The following AUTS2 variants were observed in gnomAD, a reference collection of about 807,000 sequenced individuals.
AUTS2 encodes the protein activator of transcription and developmental regulator AUTS2, also known as autism susceptibility gene 2 protein.
Under a neutral mutation model 112.4 loss-of-function variants are expected in AUTS2, and 17 were observed. The observed-to-expected ratio is 0.15, with a 90% CI of 0.10 to 0.23. The LOEUF (loss-of-function observed/expected upper bound fraction) is 0.23, where lower values mean the gene tolerates loss of function less well. Among genes scored for constraint, AUTS2 ranks in the 10% least tolerant of loss-of-function variants. AUTS2 has a pLI of 1.00. For synonymous variants in AUTS2, 751 were observed against 702.7 expected (o/e 1.07, Z -1.09); for missense variants, 1,510 against 1,701.6 (o/e 0.89, Z 1.98).
chr7:69,928,667 G>A (rs1020260603), intron 2 of AUTS2, among the ~76,000 whole-genome samples: 1 of 152,136 alleles, frequency 6.6e-6, no homozygotes, highest in East Asian at 1.9e-4. Context: ...GAGAGAGCAG[G>A]GAGAGGCCAG....
At chr7:70,316,334 T>A (rs1233197001) in intron 4 of AUTS2, among the ~76,000 whole-genome samples, 1 of 151,596 alleles carries the variant, frequency 6.6e-6, no homozygotes, top group Non-Finnish European at 1.5e-5. Flanking sequence ...CCAGTGGGTG[T>A]GAAGTCACTC....
At chr7:69,617,082 G>A (rs1393636777) in intron 1 of AUTS2, among the ~76,000 whole-genome samples, 1 of 152,110 alleles carries the variant, frequency 6.6e-6, no homozygotes, top group Non-Finnish European at 1.5e-5. Context: ...ATAATATGTT[G>A]GGAGGTGACA....
At chr7:69,767,722 T>A (rs1244875693) in intron 1 of AUTS2, among the ~76,000 whole-genome samples, 2 of 152,260 alleles carry the variant, frequency 1.3e-5, no homozygotes, top group African/African-American at 4.8e-5. Context: ...ATTTGCGGAT[T>A]CCAGCAGGTA....
rs144221787 is a variant in AUTS2 at position 70,304,527 on chromosome 7, T to A, written c.661-131225T>A. On this transcript the variant is annotated intron_variant, in intron 4 of 18. Transcript: ENST00000342771. ...TGGGATGTAGTAGGGGGTCTGAAGT[T>A]GGGAAAGTCTGAGGTGGTACTCAGT... is the stretch of plus-strand genomic sequence containing the variant. Among the ~76,000 whole-genome samples the A allele has an allele frequency of 4.3e-4, 65 of 152,150 alleles. No individual in the cohort carries two copies. The East Asian group carries it at 8.1e-3, about 19-fold the overall frequency.
intron 4 of AUTS2, among the ~76,000 whole-genome samples, chr7:70,351,961 C>G (rs1035839552): frequency 6.6e-6 from 1 of 152,160 alleles, no homozygotes; most frequent in Non-Finnish European, 1.5e-5. Flanking sequence ...TTTCGGCCTC[C>G]CAAAATGCTG....
chr7:70,413,228 A>T (rs1794849737), intron 4 of AUTS2, among the ~76,000 whole-genome samples: 1 of 152,244 alleles, frequency 6.6e-6, no homozygotes, highest in African/African-American at 2.4e-5. Flanking sequence ...TTAAGTAACC[A>T]GAATGTTCCA....
intron 5 of AUTS2, among the ~76,000 whole-genome samples, chr7:70,593,132 A>G (rs1488261713): frequency 6.6e-6 from 1 of 152,106 alleles, no homozygotes; most frequent in Non-Finnish European, 1.5e-5. Flanking sequence ...ATTAACAGGC[A>G]TGAACCACCA....
intron 2 of AUTS2, among the ~76,000 whole-genome samples, chr7:70,112,277 A>C (rs1805126473): frequency 6.6e-6 from 1 of 151,948 alleles, no homozygotes; most frequent in African/African-American, 2.4e-5. Context: ...GGTGATATGG[A>C]TATTCAACAT....
chr7:69,628,970 T>C (rs1279577706), intron 1 of AUTS2, among the ~76,000 whole-genome samples: 5 of 152,242 alleles, frequency 3.3e-5, no homozygotes, highest in African/African-American at 1.2e-4. Flanking sequence ...TGCATTTGCG[T>C]AAACCATTTC....
chr7:69,841,004 A>G (rs1791954828), intron 1 of AUTS2, among the ~76,000 whole-genome samples: 1 of 152,218 alleles, frequency 6.6e-6, no homozygotes, highest in Non-Finnish European at 1.5e-5. Flanking sequence ...CAAAGGGGAA[A>G]GTATACCCTT....
intron 4 of AUTS2, among the ~76,000 whole-genome samples, chr7:70,136,802 A>G (rs917154361): frequency 9.9e-5 from 15 of 152,208 alleles, no homozygotes; most frequent in Non-Finnish European, 1.5e-4. Flanking sequence ...AGCTGAAGGC[A>G]CTTTTAACAA....
intron 5 of AUTS2, among the ~76,000 whole-genome samples, chr7:70,574,690 C>G (rs1802086799): frequency 6.6e-6 from 1 of 152,190 alleles, no homozygotes; most frequent in South Asian, 2.1e-4. Flanking sequence ...TCTCCCTTGG[C>G]TTGCTGCACT....
chr7:70,311,971 C>T (rs1789777492), intron 4 of AUTS2, among the ~76,000 whole-genome samples: 1 of 152,188 alleles, frequency 6.6e-6, no homozygotes, highest in South Asian at 2.1e-4. Context: ...GCCTTGGCCT[C>T]CCAAAGTGCT....
At position 70,792,948 on chromosome 7, in the gene AUTS2, TGAAAA is replaced by T. The variant is rs1245784305; in HGVS notation, c.*1957_*1961del. On this transcript the variant is annotated 3_prime_UTR_variant, in exon 19 of 19. Transcript: ENST00000342771. ...CCATACCTGTACAAGACCGGGCTCTTGAAAAGAAACACCTCGAACCCAGCCCGTGT... is the reference window on the plus strand; with the variant it reads ...CCATACCTGTACAAGACCGGGCTCTTGAAACACCTCGAACCCAGCCCGTGT... The T allele has an allele frequency of 6.6e-6, 1 of 152,564 alleles. No individual in the cohort carries two copies. The highest frequency in any genetic ancestry group is 2.4e-5 in the African/African-American group (1 of 41,416). 9.5% of individuals were successfully genotyped at this position (152,564 alleles called of 1,614,324 possible).
intron 6 of AUTS2, among the ~76,000 whole-genome samples, chr7:70,714,709 G>A (rs1269484953): frequency 6.6e-6 from 1 of 152,196 alleles, no homozygotes; most frequent in East Asian, 1.9e-4. Flanking sequence ...AGTCCTTGCG[G>A]TGTCATTTAG....
At chr7:69,686,280 T>C in intron 1 of AUTS2, among the ~76,000 whole-genome samples, 1 of 152,220 alleles carries the variant, frequency 6.6e-6, no homozygotes, top group Non-Finnish European at 1.5e-5. Flanking sequence ...TACTCGAATG[T>C]CAGACCTTTA....
At chr7:70,554,735 C>A (rs1801176191) in intron 5 of AUTS2, among the ~76,000 whole-genome samples, 1 of 152,130 alleles carries the variant, frequency 6.6e-6, no homozygotes, top group Non-Finnish European at 1.5e-5. Context: ...GCCAGGGGGG[C>A]AGTCAGGGGC....
intron 1 of AUTS2, among the ~76,000 whole-genome samples, chr7:69,879,496 G>A (rs1793949512): frequency 6.6e-6 from 1 of 152,024 alleles, no homozygotes; most frequent in Non-Finnish European, 1.5e-5. Flanking sequence ...AGTTTCTGTG[G>A]CTGCTTATTT....
At chr7:70,519,251 ATAAAGT>A (rs1015005269) in intron 5 of AUTS2, among the ~76,000 whole-genome samples, 9 of 152,216 alleles carry the variant, frequency 5.9e-5, no homozygotes, top group Admixed American at 6.5e-5. Flanking sequence ...GGGAAGACTA[ATAAAGT>A]TAAAGGAAAG....
Sources: allele counts gnomAD v4.1 joint callset (sites outside exome capture counted in the v4.1 genomes callset), GRCh38; gene constraint gnomAD v4.1.1; transcripts MANE v1.5; gene names NCBI Gene and HGNC (gene_info 2026-07-23, HGNC 2026-07-21).